The following FHIT variants were observed in gnomAD, a reference collection of about 807,000 sequenced individuals.
FHIT encodes bis(5'-adenosyl)-triphosphatase.
FHIT carries 19 observed loss-of-function variants against 17.9 expected under a neutral mutation model. The ratio of observed to expected loss-of-function variants is 1.06; its 90% CI spans 0.74 to 1.56. FHIT has a LOEUF of 1.56. Among genes scored for constraint, FHIT ranks in the 40% most tolerant of loss-of-function variants. FHIT has a pLI of 0.00. For synonymous variants in FHIT, 81 were observed against 69.7 expected, an observed-to-expected ratio of 1.16 and a Z score of -0.81; for missense variants, 248 against 189.2, an observed-to-expected ratio of 1.31 and a Z score of -1.82.
At chr3:60,380,717 C>CT (rs1430836608) in intron 5 of FHIT, among the ~76,000 whole-genome samples, 6 of 152,084 alleles carry the variant, frequency 3.9e-5, no homozygotes, top group African/African-American at 1.4e-4. Context: ...AAATGCAAGC[C>CT]AAATATCGAT....
At chr3:59,915,824 C>A (rs751971118) in intron 8 of FHIT, among the ~76,000 whole-genome samples, 6 of 151,632 alleles carry the variant, frequency 4.0e-5, no homozygotes, top group Non-Finnish European at 8.8e-5. Flanking sequence ...CCTAGCCACT[C>A]AGGAGGCTGA....
At chr3:60,244,169 C>T (rs886217125) in intron 5 of FHIT, among the ~76,000 whole-genome samples, 1 of 152,028 alleles carries the variant, frequency 6.6e-6, no homozygotes, top group African/African-American at 2.4e-5. Flanking sequence ...AAAATATAAT[C>T]TGACAAATTT....
intron 5 of FHIT, among the ~76,000 whole-genome samples, chr3:60,361,927 A>G (rs6769523): frequency 0.014 from 2,115 of 152,222 alleles, 58 homozygotes; most frequent in African/African-American, 0.048. Context: ...CTCATTTACA[A>G]AAAAAGTTTT....
intron 5 of FHIT, among the ~76,000 whole-genome samples, chr3:60,280,477 A>G (rs921342720): frequency 1.3e-5 from 2 of 152,194 alleles, no homozygotes; most frequent in African/African-American, 4.8e-5. Flanking sequence ...AATGCTATCA[A>G]TCATAAATAT....
intron 7 of FHIT, among the ~76,000 whole-genome samples, chr3:59,971,402 C>T (rs1263442347): frequency 6.6e-6 from 1 of 152,042 alleles, no homozygotes; most frequent in Non-Finnish European, 1.5e-5. Flanking sequence ...AGACTGAGGA[C>T]ATGAATTGCT....
At position 60,391,382 on chromosome 3, in the gene FHIT, T is replaced by G. The variant is rs146283138; in HGVS notation, c.103+145478A>C. Among the ~76,000 whole-genome samples, 394 of 152,300 alleles carry G rather than the reference T, an allele frequency of 2.6e-3. 1 individual carries two copies. Among genetic ancestry groups the G allele is most frequent in the African/African-American group, 9.1e-3 (378 of 41,564 alleles). ...CCCAGCCTCAAGCAATCCTCCTTCTTCATCAATGTTTTTAAACAAATTTAG... is the reference window on the plus strand; with the variant it reads ...CCCAGCCTCAAGCAATCCTCCTTCTGCATCAATGTTTTTAAACAAATTTAG... On this transcript the variant is annotated intron_variant, in intron 5 of 9. Transcript: ENST00000492590.
intron 5 of FHIT, among the ~76,000 whole-genome samples, chr3:60,044,747 G>A (rs1701581141): frequency 6.6e-6 from 1 of 152,068 alleles, no homozygotes. Flanking sequence ...TCTTCTAAAT[G>A]AGGAATCATC....
intron 5 of FHIT, among the ~76,000 whole-genome samples, chr3:60,027,895 A>T (rs1045646610): frequency 3.9e-5 from 6 of 152,212 alleles, no homozygotes; most frequent in African/African-American, 1.4e-4. Flanking sequence ...CACTAGCCAT[A>T]TGTGGCTACT....
chr3:61,161,255 T>A (rs902205924), intron 2 of FHIT, among the ~76,000 whole-genome samples: 1 of 150,774 alleles, frequency 6.6e-6, no homozygotes, highest in Non-Finnish European at 1.5e-5. Context: ...CAGGCTGGAG[T>A]GCAGTGGCGC....
chr3:60,978,621 T>C (rs1710363715), intron 3 of FHIT, among the ~76,000 whole-genome samples: 1 of 152,224 alleles, frequency 6.6e-6, no homozygotes, highest in Non-Finnish European at 1.5e-5. Flanking sequence ...GGTGAGTTTT[T>C]TGAATCCCTC....
intron 5 of FHIT, among the ~76,000 whole-genome samples, chr3:60,283,201 G>A (rs1343100722): frequency 6.6e-6 from 1 of 152,040 alleles, no homozygotes; most frequent in Non-Finnish European, 1.5e-5. Flanking sequence ...GGAAAGAACT[G>A]ATTTAGGAGA....
intron 5 of FHIT, among the ~76,000 whole-genome samples, chr3:60,466,909 C>T (rs547058728): frequency 1.3e-5 from 2 of 150,442 alleles, no homozygotes; most frequent in South Asian, 4.3e-4. Flanking sequence ...GCAAGTATTC[C>T]TTCCTCATCA....
chr3:60,147,662 A>G (rs941512539), intron 5 of FHIT, among the ~76,000 whole-genome samples: 1 of 152,184 alleles, frequency 6.6e-6, no homozygotes, highest in Non-Finnish European at 1.5e-5. Context: ...AAGAGCAAGG[A>G]AACAGCCAAG....
intron 2 of FHIT, among the ~76,000 whole-genome samples, chr3:61,191,778 C>G (rs2038723524): frequency 6.6e-6 from 1 of 152,072 alleles, no homozygotes; most frequent in African/African-American, 2.4e-5. Context: ...TACACACACA[C>G]ATCAGCCACT....
chr3:61,166,743 T>C (rs1191983376), intron 2 of FHIT, among the ~76,000 whole-genome samples: 1 of 152,234 alleles, frequency 6.6e-6, no homozygotes, highest in Non-Finnish European at 1.5e-5. Flanking sequence ...ATGTTGTCCA[T>C]TCATTCTAGC....
intron 7 of FHIT, among the ~76,000 whole-genome samples, chr3:59,953,580 T>C (rs1326895177): frequency 2.0e-5 from 3 of 152,212 alleles, no homozygotes; most frequent in South Asian, 4.1e-4. Context: ...ACAAAACTCA[T>C]GCTGTAGGAA....
intron 5 of FHIT, among the ~76,000 whole-genome samples, chr3:60,195,581 T>TTA (rs1702599664): frequency 1.6e-5 from 2 of 125,616 alleles, no homozygotes; most frequent in South Asian, 5.7e-4. Flanking sequence ...ATAATTATAT[T>TTA]TATATTTATA....
chr3:60,747,243 T>C (rs1189165285), intron 4 of FHIT, among the ~76,000 whole-genome samples: 1 of 152,196 alleles, frequency 6.6e-6, no homozygotes, highest in African/African-American at 2.4e-5. Context: ...ATTGTCTAAT[T>C]CCTGCCATTC....
intron 5 of FHIT, among the ~76,000 whole-genome samples, chr3:60,416,180 A>C (rs1702242259): frequency 6.6e-6 from 1 of 152,024 alleles, no homozygotes; most frequent in Non-Finnish European, 1.5e-5. Flanking sequence ...AATCAGCAAA[A>C]TATCACAAAA....
Sources: gnomAD v4.1 joint callset for allele counts (sites outside exome capture counted in the v4.1 genomes callset) on GRCh38, gnomAD v4.1.1 for gene constraint, MANE v1.5 for transcripts, NCBI Gene and HGNC (gene_info 2026-07-23, HGNC 2026-07-21) for gene names.